The following HECTD4 variants were observed in gnomAD, a reference collection of about 807,000 sequenced individuals.
The protein encoded by HECTD4 is probable E3 ubiquitin-protein ligase HECTD4.
In HECTD4, 114 loss-of-function variants were observed where a neutral mutation model predicts 471.5. The observed-to-expected ratio is 0.24, with a 90% confidence interval of 0.21 to 0.28. The LOEUF (loss-of-function observed/expected upper bound fraction) is 0.28. Ranked by LOEUF, HECTD4 falls within the 10% of genes least tolerant of loss-of-function variation. The pLI, the probability that HECTD4 is intolerant of heterozygous loss-of-function variation, is 1.00. For missense variants in HECTD4, 3,866 were observed against 5,651.5 expected (o/e 0.68, Z 10.13); for synonymous variants, 2,012 against 2,256.0 (o/e 0.89, Z 3.07).
chr12:112,204,350 G>T (rs921224304), intron 53 of HECTD4, 136 bp downstream of exon 53: 22 of 834,762 alleles, frequency 2.6e-5, no homozygotes, highest in Non-Finnish European at 4.0e-5. Context: ...ACATGGGGCG[G>T]TGTGGAAGAG....
intron 2 of HECTD4, among the ~76,000 whole-genome samples, chr12:112,315,335 C>T (rs2035457207): frequency 6.6e-6 from 1 of 152,200 alleles, no homozygotes; most frequent in African/African-American, 2.4e-5. Context: ...TATCATATGC[C>T]TAAACGCCAA....
chr12:112,243,252 AT>A lies in HECTD4; in HGVS notation c.4958+100del. On this transcript the variant is annotated intron_variant, in intron 32 of 75. Transcript: ENST00000682272. This position sits in a 1 kb window ranked among gnomAD's most constrained non-coding sequence, Gnocchi z 6.6. ...TTATATAAATATTTTAGAGGAAAAC[AT>A]TAGCAAATACTACCGCCTATGTTTG... 1 of 1,053,890 alleles carries A rather than the reference AT, an allele frequency of 9.5e-7. No individual in the cohort carries two copies. Among genetic ancestry groups the A allele is most frequent in the Admixed American group, 2.8e-5 (1 of 35,528 alleles). 65.3% of individuals were successfully genotyped at this position (1,053,890 alleles called of 1,614,324 possible). A position where few individuals can be genotyped will look rare whatever the true frequency, so the allele number is the denominator to read the frequency against.
chr12:112,358,904 G>A (rs946130704), intron 1 of HECTD4, among the ~76,000 whole-genome samples: 1 of 152,058 alleles, frequency 6.6e-6, no homozygotes, highest in South Asian at 2.1e-4. Context: ...GGCCGGGCGC[G>A]GTGGCTCATG....
intron 58 of HECTD4, 111 bp from the exon 59 acceptor site, chr12:112,192,876 T>C: frequency 8.3e-7 from 1 of 1,210,738 alleles, no homozygotes; most frequent in South Asian, 1.5e-5. Flanking sequence ...GCCCAAGTCA[T>C]TTCCACCACA....
Position 112,243,476 on chromosome 12 carries a change from C to T in HECTD4, c.4835G>A (p.Arg1612Gln), listed in dbSNP as rs756957335. The change falls in exon 32 of 76, where the codon CGG becomes CAG. Residue 1612 changes from arginine (R) to glutamine (Q), a missense_variant. By Grantham distance (43) the Arg-to-Gln change is conservative (BLOSUM62 1). Transcript: ENST00000682272. This position sits in a 1 kb window ranked among gnomAD's most constrained non-coding sequence, Gnocchi z 6.6. ...SFLLAAQTRW[R>Q]RGNTRKQALV... ...TGCCTGCTTGCGAGTGTTTCCCCGC[C>T]GCCACCTTGTCTGTGCAGCCAAAAG... The T allele has an allele frequency of 3.5e-5, 56 of 1,607,288 alleles. 1 individual carries two copies. The highest frequency in any genetic ancestry group is 4.2e-5 in the Non-Finnish European group (49 of 1,176,982).
At chr12:112,372,470 C>T (rs1220900073) in intron 1 of HECTD4, among the ~76,000 whole-genome samples, 2 of 151,206 alleles carry the variant, frequency 1.3e-5, no homozygotes, top group Non-Finnish European at 1.5e-5. Flanking sequence ...ACCGTGTTAG[C>T]GAAGATGGTC....
chr12:112,227,500 T>TA (rs1473381699), intron 43 of HECTD4, among the ~76,000 whole-genome samples: 1 of 152,176 alleles, frequency 6.6e-6, no homozygotes, highest in Non-Finnish European at 1.5e-5. Flanking sequence ...AGACACCTGT[T>TA]ACTGCTGTTT....
At chr12:112,231,428 G>T in intron 39 of HECTD4, 85 bp downstream of exon 39, 1 of 1,314,002 alleles carries the variant, frequency 7.6e-7, no homozygotes, top group Non-Finnish European at 1.1e-6. Flanking sequence ...CAAGGGGATG[G>T]TAGAAAATTA....
chr12:112,290,167 C>G (rs575536498), intron 7 of HECTD4, among the ~76,000 whole-genome samples: 8 of 151,850 alleles, frequency 5.3e-5, no homozygotes, highest in Non-Finnish European at 1.2e-4. Flanking sequence ...CAAAACATAC[C>G]AAAATTAGCC....
At chr12:112,231,320 C>A (rs1309350418) in intron 39 of HECTD4, 193 bp downstream of exon 39, 1 of 600,874 alleles carries the variant, frequency 1.7e-6, no homozygotes, top group African/African-American at 1.9e-5. Flanking sequence ...TTCATGACAA[C>A]CTCAGATCTA....
chr12:112,296,930 T>A (rs2035041513), intron 7 of HECTD4, among the ~76,000 whole-genome samples: 1 of 149,424 alleles, frequency 6.7e-6, no homozygotes, highest in South Asian at 2.1e-4. Flanking sequence ...AGGGTGTAGG[T>A]GCAGTGGATC....
intron 34 of HECTD4, among the ~76,000 whole-genome samples, chr12:112,237,997 G>A (rs749064786): frequency 2.2e-4 from 33 of 152,046 alleles, no homozygotes; most frequent in South Asian, 8.3e-4. Flanking sequence ...CTGGTGATCC[G>A]CCCTCCTCAG....
intron 2 of HECTD4, among the ~76,000 whole-genome samples, chr12:112,316,527 G>A (rs996510382): frequency 5.9e-5 from 9 of 151,918 alleles, no homozygotes; most frequent in Non-Finnish European, 1.3e-4. Flanking sequence ...AATGCCTTCC[G>A]TGCAGTAAGT....
intron 1 of HECTD4, among the ~76,000 whole-genome samples, chr12:112,335,228 A>G (rs2035929927): frequency 6.6e-6 from 1 of 152,094 alleles, no homozygotes; most frequent in African/African-American, 2.4e-5. Flanking sequence ...TGGCATTTGC[A>G]GCAACCTGGA....
At chr12:112,330,145 T>G (rs905633032) in intron 1 of HECTD4, among the ~76,000 whole-genome samples, 1 of 151,830 alleles carries the variant, frequency 6.6e-6, no homozygotes, top group Non-Finnish European at 1.5e-5. Context: ...GGCGTGGTGA[T>G]GGGCGCCTGT....
intron 1 of HECTD4, among the ~76,000 whole-genome samples, chr12:112,333,300 A>G (rs2035879387): frequency 6.6e-6 from 1 of 152,202 alleles, no homozygotes; most frequent in Admixed American, 6.5e-5. Flanking sequence ...TGGCTGCACC[A>G]TTTTACATTC....
At chr12:112,181,808 T>C (rs1301761604) in intron 62 of HECTD4, among the ~76,000 whole-genome samples, 2 of 152,148 alleles carry the variant, frequency 1.3e-5, no homozygotes, top group African/African-American at 4.8e-5. Flanking sequence ...ATTACATGTT[T>C]TGGCTGGGCG....
chr12:112,263,937 T>G, intron 17 of HECTD4, 147 bp downstream of exon 17: 1 of 660,436 alleles, frequency 1.5e-6, no homozygotes, highest in African/African-American at 1.9e-5. Flanking sequence ...ACATAAAAAA[T>G]CTATGGAATG....
At chr12:112,264,301 A>G in intron 16 of HECTD4, 89 bp from the exon 17 acceptor site, 1 of 1,239,736 alleles carries the variant, frequency 8.1e-7, no homozygotes, top group Non-Finnish European at 1.1e-6. Flanking sequence ...ATTTTGACAA[A>G]GAAAACAAAA....
Sources: gnomAD v4.1 joint callset for allele counts (sites outside exome capture counted in the v4.1 genomes callset) on GRCh38, gnomAD v4.1.1 for gene constraint, Gnocchi (gnomAD v3.1) non-coding constraint, MANE v1.5 for transcripts, NCBI Gene and HGNC (gene_info 2026-07-23, HGNC 2026-07-21) for gene names.